The following C12orf75 variants were observed in gnomAD, a reference collection of about 807,000 sequenced individuals.
C12orf75 encodes the protein chromosome 12 open reading frame 75, also known as overexpressed in colon carcinoma 1 protein.
Under a neutral mutation model 11.4 loss-of-function variants are expected in C12orf75, and 4 were observed. The observed-to-expected ratio is 0.35, with a 90% CI of 0.17 to 0.80. The LOEUF (loss-of-function observed/expected upper bound fraction) is 0.80. Among genes scored for constraint, C12orf75 ranks in the 30% least tolerant of loss-of-function variants. The pLI, the probability that C12orf75 is intolerant of heterozygous loss-of-function variation, is 0.52. For missense variants in C12orf75, 89 were observed against 80.4 expected, an observed-to-expected ratio of 1.11 and a Z score of -0.41; for synonymous variants, 30 against 30.0, an observed-to-expected ratio of 1.00 and a Z score of 0.00.
intron 2 of C12orf75, among the ~76,000 whole-genome samples, chr12:105,363,343 CTGTT>C (rs1422387110): frequency 6.6e-6 from 1 of 152,188 alleles, no homozygotes; most frequent in African/African-American, 2.4e-5. Flanking sequence ...TGTAGAATAA[CTGTT>C]TGTGGAAGGA....
intron 5 of C12orf75, among the ~76,000 whole-genome samples, chr12:105,368,157 A>G (rs1182530784): frequency 6.6e-6 from 1 of 152,234 alleles, no homozygotes; most frequent in Non-Finnish European, 1.5e-5. Context: ...AATAGCTTTC[A>G]TTTGTTAACT....
At chr12:105,350,735 T>C (rs1892703143) in intron 2 of C12orf75, among the ~76,000 whole-genome samples, 1 of 152,242 alleles carries the variant, frequency 6.6e-6, no homozygotes, top group Admixed American at 6.5e-5. Flanking sequence ...TCTAGAGTTA[T>C]TCATGTCATG....
In C12orf75 at chr12:105,330,725, C is replaced by G. The variant is rs1041911184; in HGVS notation, c.-167C>G. ...CCGGCAGCCCGCAGCCCGCTGCGCC[C>G]CGGGCCGCGTCTCCCGGCGGTGGGA... On this transcript the variant is annotated 5_prime_UTR_variant, in exon 1 of 6. Coordinates refer to ENST00000443585, the MANE Select transcript of C12orf75 (RefSeq NM_001145199.2). 10 of 583,996 alleles carry G rather than the reference C, an allele frequency of 1.7e-5. No individual in the cohort carries two copies. The African/African-American group carries it at 1.8e-4, about 10-fold the overall frequency. 36.2% of individuals were successfully genotyped at this position (583,996 alleles called of 1,614,324 possible).
chr12:105,357,769 A>G (rs984726075), intron 2 of C12orf75, among the ~76,000 whole-genome samples: 4 of 101,610 alleles, frequency 3.9e-5, no homozygotes, highest in African/African-American at 1.0e-4. Context: ...TGAATGCCCA[A>G]TGTATTTTCT....
At chr12:105,351,870 A>C (rs1892718716) in intron 2 of C12orf75, among the ~76,000 whole-genome samples, 1 of 151,994 alleles carries the variant, frequency 6.6e-6, no homozygotes, top group African/African-American at 2.4e-5. Context: ...TATGCATTCA[A>C]GGGCTGATAG....
intron 2 of C12orf75, among the ~76,000 whole-genome samples, chr12:105,349,267 G>C (rs191686570): frequency 1.3e-3 from 196 of 152,286 alleles, no homozygotes; most frequent in African/African-American, 4.4e-3. Context: ...AGTATTTCTG[G>C]TTACCCAGTG....
rs970570105 is a variant in C12orf75, at chr12:105,366,686, G to A, written c.177G>A (p.Thr59=). 3 of 1,527,596 alleles carry A rather than the reference G, an allele frequency of 2.0e-6. No homozygotes were observed. The highest frequency in any genetic ancestry group is 1.7e-4 in the Middle Eastern group (1 of 5,958). The allele number at this position is 1,527,596 out of a possible 1,614,324, so 94.6% of individuals were successfully genotyped here. ...AVNMVSSQTK[T]VRKN ...ATATGGTGTCCAGTCAAACAAAGAC[G>A]GTTCGGAAAAGTAAGTGAAATCATG... is the stretch of plus-strand genomic sequence containing the variant. The change falls in exon 4 of 6, where the codon ACG becomes ACA. Residue 59 remains threonine, a synonymous_variant. Coordinates refer to ENST00000443585, the MANE Select transcript of C12orf75 (RefSeq NM_001145199.2).
At chr12:105,369,009 A>G (rs1871559035) in intron 5 of C12orf75, among the ~76,000 whole-genome samples, 2 of 152,228 alleles carry the variant, frequency 1.3e-5, no homozygotes, top group Non-Finnish European at 2.9e-5. Context: ...TCAAATAGAA[A>G]AGATAAGTTG....
intron 2 of C12orf75, among the ~76,000 whole-genome samples, chr12:105,352,989 C>T (rs17188203): frequency 0.24 from 36,717 of 152,078 alleles, 4,428 homozygotes; most frequent in Non-Finnish European, 0.27. Context: ...GACATTCGGC[C>T]GCTTTCACAA....
At chr12:105,336,592 C>A (rs1451240654) in intron 1 of C12orf75, among the ~76,000 whole-genome samples, 1 of 152,200 alleles carries the variant, frequency 6.6e-6, no homozygotes, top group African/African-American at 2.4e-5. Flanking sequence ...TTCACAGCTG[C>A]TGTCTGCGCT....
intron 1 of C12orf75, among the ~76,000 whole-genome samples, chr12:105,340,620 A>C (rs1892560067): frequency 6.6e-6 from 1 of 152,178 alleles, no homozygotes. Flanking sequence ...GACAAAGATA[A>C]GAAGGTCTAG....
chr12:105,366,836 C>A, intron 4 of C12orf75, 140 bp downstream of exon 4: 2 of 512,482 alleles, frequency 3.9e-6, no homozygotes, highest in East Asian at 6.3e-5. Context: ...ACTGTCTGTT[C>A]ATTGCAGTCA....
At chr12:105,340,912 G>T (rs1019686637) in intron 1 of C12orf75, among the ~76,000 whole-genome samples, 7 of 152,182 alleles carry the variant, frequency 4.6e-5, no homozygotes, top group African/African-American at 1.7e-4. Context: ...TGCTGCACCA[G>T]AAGCCAGGAG....
At chr12:105,365,398 G>C (rs1871442842) in intron 2 of C12orf75, among the ~76,000 whole-genome samples, 1 of 152,194 alleles carries the variant, frequency 6.6e-6, no homozygotes, top group African/African-American at 2.4e-5. Flanking sequence ...GGGGTCATCT[G>C]GTCAACCAGC....
chr12:105,368,529 A>G (rs144120310), intron 5 of C12orf75, among the ~76,000 whole-genome samples: 121 of 152,344 alleles, frequency 7.9e-4, no homozygotes, highest in African/African-American at 2.8e-3. Flanking sequence ...AAATGTTAGC[A>G]TCTGCTATCA....
At chr12:105,331,281 C>G (rs908803595) in intron 1 of C12orf75, among the ~76,000 whole-genome samples, 4 of 152,018 alleles carry the variant, frequency 2.6e-5, no homozygotes, top group Admixed American at 6.5e-5. Context: ...GCCGCTCCCC[C>G]ACCTCCCACA....
At chr12:105,341,556 C>G (rs1374792147) in intron 1 of C12orf75, among the ~76,000 whole-genome samples, 4 of 152,174 alleles carry the variant, frequency 2.6e-5, no homozygotes, top group Non-Finnish European at 5.9e-5. Flanking sequence ...GCTCACAGGA[C>G]TCAGGAGGAC....
intron 1 of C12orf75, among the ~76,000 whole-genome samples, chr12:105,347,476 G>A (rs1892654409): frequency 1.3e-5 from 2 of 152,230 alleles, no homozygotes; most frequent in East Asian, 1.9e-4. Context: ...CTAAGTCCAA[G>A]AGTCTGAAAG....
intron 1 of C12orf75, among the ~76,000 whole-genome samples, chr12:105,344,480 C>T (rs1254002812): frequency 3.9e-5 from 6 of 152,152 alleles, no homozygotes; most frequent in African/African-American, 1.4e-4. Context: ...TAGTGGCTCA[C>T]ATCTGTAATC....
Sources: gnomAD v4.1 joint callset for allele counts (sites outside exome capture counted in the v4.1 genomes callset) on GRCh38, gnomAD v4.1.1 for gene constraint, MANE v1.5 for transcripts, NCBI Gene and HGNC (gene_info 2026-07-23, HGNC 2026-07-21) for gene names.